The following LIMA1 variants were observed in gnomAD, a reference collection of about 807,000 sequenced individuals.
LIMA1 encodes LIM domain and actin binding 1, also known as LIM domain and actin-binding protein 1.
In LIMA1, 52 loss-of-function variants were observed where a neutral mutation model predicts 62.6. That is an observed-to-expected ratio of 0.83 (90% CI 0.67 to 1.05). The LOEUF is 1.05. Ranked by LOEUF, LIMA1 falls within the 50% of genes least tolerant of loss-of-function variation. The probability of loss-of-function intolerance (pLI) is 0.00; values close to 1 mark genes in which losing one functional copy is unlikely to be tolerated. For missense variants in LIMA1, 780 were observed against 902.2 expected (o/e 0.86, Z 1.74); for synonymous variants, 302 against 317.8 (o/e 0.95, Z 0.53).
At chr12:50,222,905 A>G (rs544034290) in intron 3 of LIMA1, among the ~76,000 whole-genome samples, 51 of 152,340 alleles carry the variant, frequency 3.3e-4, no homozygotes, top group African/African-American at 1.2e-3. Flanking sequence ...ATAAAATAAC[A>G]TGGTAAATTC....
intron 9 of LIMA1, among the ~76,000 whole-genome samples, chr12:50,191,739 G>A (rs529237848): frequency 3.3e-5 from 5 of 152,174 alleles, no homozygotes; most frequent in East Asian, 1.9e-4. Flanking sequence ...GGAGAATGGC[G>A]TGAACCCGGG....
intron 2 of LIMA1, among the ~76,000 whole-genome samples, chr12:50,243,512 T>C (rs12828340): frequency 0.32 from 48,883 of 152,090 alleles, 8,144 homozygotes; most frequent in South Asian, 0.48. Flanking sequence ...GCAGTCTTCT[T>C]TGGGAAGCTG....
intron 3 of LIMA1, among the ~76,000 whole-genome samples, chr12:50,225,184 G>A (rs903154611): frequency 1.3e-5 from 2 of 151,982 alleles, no homozygotes; most frequent in African/African-American, 4.8e-5. Flanking sequence ...TTATAGGCAT[G>A]AGCCACTGCG....
rs369896137 is a variant in LIMA1 at position 50,236,001 on chromosome 12, C to T, written c.120-4291G>A. Among the ~76,000 whole-genome samples the T allele has an allele frequency of 7.9e-5, 12 of 151,986 alleles. No homozygotes were observed. In the East Asian group the frequency reaches 1.2e-3, roughly 15 times the overall value. ...CCAACCTGGCAAAACCCTGTCTCTA[C>T]TAAACATACAAAAATTAGCCAGGCA... On this transcript the variant is annotated intron_variant, in intron 2 of 10. Transcript: ENST00000341247.
chr12:50,187,546 C>T (rs1940657774), intron 9 of LIMA1: 1 of 152,174 alleles, frequency 6.6e-6, no homozygotes, highest in Non-Finnish European at 1.5e-5. Flanking sequence ...GTGCTCTACA[C>T]AGAGAAGAAA....
At chr12:50,198,483 G>T (rs972815674) in intron 7 of LIMA1, among the ~76,000 whole-genome samples, 2 of 152,228 alleles carry the variant, frequency 1.3e-5, no homozygotes, top group Non-Finnish European at 2.9e-5. Flanking sequence ...GAGCCCAAGA[G>T]TTGGAGGCTA....
intron 9 of LIMA1, chr12:50,185,294 AAC>A (rs1940605540): frequency 4.5e-6 from 2 of 447,662 alleles, no homozygotes; most frequent in Non-Finnish European, 9.0e-6. Context: ...CTCCATCACA[AAC>A]ACACGGAGGG....
chr12:50,241,846 C>A (rs1348440079), intron 2 of LIMA1, among the ~76,000 whole-genome samples: 1 of 148,856 alleles, frequency 6.7e-6, no homozygotes, highest in Non-Finnish European at 1.5e-5. Context: ...AAAATGGGGG[C>A]ACCATTTTGA....
chr12:50,280,617 G>T (rs1942330027), intron 1 of LIMA1, among the ~76,000 whole-genome samples: 1 of 152,128 alleles, frequency 6.6e-6, no homozygotes, highest in Admixed American at 6.5e-5. Context: ...TTGCTTGTTA[G>T]GTCAAACTCC....
chr12:50,182,026 T>G lies in LIMA1; in HGVS notation c.1152A>C (p.Ala384=). Residue 384 remains alanine, a synonymous_variant, in exon 10 of 11, where the codon GCA becomes GCC. Transcript: ENST00000341247. ...SPPKAMKKFQ[A]PARETCVECQ... ...ATTCCACGCAGGTCTCTCTTGCAGG[T>G]GCCTGAAACTTCTAGGAAAAACAAA... The G allele has an allele frequency of 1.4e-5, 22 of 1,612,646 alleles. No homozygotes were observed. The highest frequency in any genetic ancestry group is 1.9e-5 in the Non-Finnish European group (22 of 1,179,982).
chr12:50,180,192 C>T lies in LIMA1; in HGVS notation c.1274+1712G>A, dbSNP rs540607036. ...GCACACGCCTGTAGTCCCAACCACT[C>T]GGGAGGCTGAGGCAGGAGAATTGCT... On this transcript the variant is annotated intron_variant, in intron 10 of 10. Transcript: ENST00000341247. Among the ~76,000 whole-genome samples, 6 of 151,726 alleles carry T rather than the reference C, an allele frequency of 4.0e-5. No individual in the cohort carries two copies. In the South Asian group the frequency reaches 1.0e-3, roughly 26 times the overall value.
chr12:50,211,217 G>A (rs375620293), intron 4 of LIMA1, among the ~76,000 whole-genome samples: 15 of 151,760 alleles, frequency 9.9e-5, no homozygotes, highest in Non-Finnish European at 2.1e-4. Context: ...CAGCTACTTG[G>A]GAGGCTGAGG....
chr12:50,191,612 G>A (rs1940773662), intron 9 of LIMA1, among the ~76,000 whole-genome samples: 1 of 152,100 alleles, frequency 6.6e-6, no homozygotes, highest in African/African-American at 2.4e-5. Flanking sequence ...ACGAGGTCAG[G>A]AGATTGAGAC....
intron 4 of LIMA1, among the ~76,000 whole-genome samples, chr12:50,207,507 A>G (rs1417412278): frequency 6.6e-6 from 1 of 152,232 alleles, no homozygotes; most frequent in Non-Finnish European, 1.5e-5. Context: ...AGATAAGAAT[A>G]AAACACTTAG....
intron 4 of LIMA1, among the ~76,000 whole-genome samples, chr12:50,218,861 C>T (rs1212387414): frequency 6.7e-6 from 1 of 148,802 alleles, no homozygotes; most frequent in Admixed American, 6.7e-5. Flanking sequence ...TGTACTCCTC[C>T]AGCCTGGGCA....
At chr12:50,198,082 A>T (rs1223623517) in intron 7 of LIMA1, among the ~76,000 whole-genome samples, 1 of 152,220 alleles carries the variant, frequency 6.6e-6, no homozygotes, top group African/African-American at 2.4e-5. Flanking sequence ...TTTATAAAAT[A>T]AACTATTCTA....
intron 8 of LIMA1, among the ~76,000 whole-genome samples, chr12:50,195,235 T>C (rs913312793): frequency 1.3e-5 from 2 of 151,402 alleles, no homozygotes; most frequent in African/African-American, 4.9e-5. Flanking sequence ...ATACTGAAAA[T>C]CAGAATAAAA....
At chr12:50,228,887 A>AT (rs1941569438) in intron 3 of LIMA1, among the ~76,000 whole-genome samples, 1 of 152,004 alleles carries the variant, frequency 6.6e-6, no homozygotes, top group Non-Finnish European at 1.5e-5. Context: ...CTATTCTTTT[A>AT]TTTTTTACTT....
chr12:50,265,135 AGAGT>A (rs1942122719), intron 1 of LIMA1, among the ~76,000 whole-genome samples: 1 of 151,848 alleles, frequency 6.6e-6, no homozygotes, highest in Admixed American at 6.6e-5. Flanking sequence ...CCTGGGCAAC[AGAGT>A]GAGACCGTCT....
Sources: gnomAD v4.1 joint callset for allele counts (sites outside exome capture counted in the v4.1 genomes callset) on GRCh38, gnomAD v4.1.1 for gene constraint, MANE v1.5 for transcripts, NCBI Gene and HGNC (gene_info 2026-07-23, HGNC 2026-07-21) for gene names.